Variants in MYH7B observed in about 807,000 individuals in gnomAD.
The protein encoded by MYH7B is myosin-7B.
A neutral mutation model predicts 234.5 loss-of-function variants in MYH7B; 205 were observed. The ratio of observed to expected loss-of-function variants is 0.87; its 90% CI spans 0.78 to 0.98. MYH7B has a LOEUF of 0.98. MYH7B is among the 50% of genes least tolerant of loss of function. The pLI is 0.00. For synonymous variants in MYH7B, 1,193 were observed against 1,105.0 expected, an observed-to-expected ratio of 1.08 and a Z score of -1.58; for missense variants, 2,652 against 2,633.4, an observed-to-expected ratio of 1.01 and a Z score of -0.15.
chr20:34,978,170 G>T, intron 5 of MYH7B, 74 bp downstream of exon 5: 2 of 1,569,294 alleles, frequency 1.3e-6, no homozygotes, highest in South Asian at 1.1e-5. Context: ...AATTGGGAGG[G>T]GTGGCACCAG....
At chr20:34,960,275 G>A (rs2081681599) in intron 2 of MYH7B, among the ~76,000 whole-genome samples, 1 of 151,988 alleles carries the variant, frequency 6.6e-6, no homozygotes, top group Admixed American at 6.6e-5. Flanking sequence ...TTGCTTTGTA[G>A]CCCAGGCTAG....
intron 43 of MYH7B, 51 bp downstream of exon 43, chr20:35,001,577 C>A: frequency 6.6e-7 from 1 of 1,514,782 alleles, no homozygotes; most frequent in Non-Finnish European, 9.0e-7. Flanking sequence ...AGCTCTGCCC[C>A]AGGGTCTGTG....
chr20:34,991,113 C>T (rs376888157), exon 24 of MYH7B: 1 of 1,607,254 alleles, frequency 6.2e-7, no homozygotes, highest in Admixed American at 1.7e-5. Context: ...ACACCGACTT[C>T]CGGCAGCGGT....
intron 19 of MYH7B, among the ~76,000 whole-genome samples, chr20:34,989,101 C>T (rs1020387770): frequency 1.3e-5 from 2 of 152,192 alleles, no homozygotes; most frequent in Admixed American, 6.5e-5. Context: ...TGGGCCACTG[C>T]GCCTGGCCTA....
At chr20:34,997,387 C>A in exon 32 of MYH7B, 1 of 1,510,266 alleles carries the variant, frequency 6.6e-7, no homozygotes, top group Non-Finnish European at 8.8e-7. Flanking sequence ...GGCGCATCCG[C>A]GGGGCAGCGC....
rs199517588 is a variant in MYH7B, at chr20:34,990,074, G to T, written c.1828G>T (p.Val610Phe). Residue 610 changes from valine to phenylalanine, a missense_variant, in exon 21 of 45, where the codon GTC (valine) becomes TTC (phenylalanine). Val to Phe is a conservative substitution (Grantham distance 50). This residue lies in a region of MYH7B where 2,279 missense variants were observed against 2,211.4 expected (regional missense o/e 1.03). Coordinates refer to ENST00000262873, the Ensembl canonical transcript of MYH7B. ...CAAGGATCCCCTGAATGAGACCGTG[G>T]TCCCCATCTTCCAGAAGTCACAGAA... 17 of 1,614,042 alleles carry T rather than the reference G, an allele frequency of 1.1e-5. No homozygotes were observed. Among genetic ancestry groups the T allele is most frequent in the Non-Finnish European group, 1.4e-5 (17 of 1,180,038 alleles).
Position 34,979,810 on chromosome 20 carries a change from C to T in MYH7B, c.342+6C>T, listed in dbSNP as rs2081914643. The T allele has an allele frequency of 1.9e-6, 3 of 1,612,316 alleles. No homozygotes were observed. Among genetic ancestry groups the T allele is most frequent in the African/African-American group, 2.7e-5 (2 of 75,028 alleles). On this transcript the variant is annotated splice_donor_region_variant and intron_variant, in intron 7 of 44. Coordinates refer to ENST00000262873, the Ensembl canonical transcript of MYH7B. ...ATGCCCGCTGGATGATCTATGTGAG[C>T]CCCAGGCCCGGGCCATGGGCGGGGT...
chr20:34,981,542 G>A (rs940516407), intron 9 of MYH7B: 15 of 169,092 alleles, frequency 8.9e-5, no homozygotes, highest in African/African-American at 3.1e-4. Context: ...GTGTGCATGC[G>A]CGTATGCAGT....
chr20:34,986,879 TC>T lies in MYH7B; in HGVS notation c.905-3del, dbSNP rs1569042678. ...CTGACCCTCCCTTCTCTGCCCTGTGTCCCCAGACATGCTGCTTCTGTCTATG... is the reference window on the plus strand; with the variant it reads ...CTGACCCTCCCTTCTCTGCCCTGTGTCCCAGACATGCTGCTTCTGTCTATG... On this transcript the variant is annotated splice_polypyrimidine_tract_variant and splice_region_variant and intron_variant, in intron 14 of 44. Coordinates refer to ENST00000262873, the Ensembl canonical transcript of MYH7B. 3.7e-6 allele frequency: 6 copies of T among 1,612,014 alleles called. No homozygotes were observed. The East Asian group carries it at 1.1e-4, about 30-fold the overall frequency.
In MYH7B at chr20:34,990,285, TC is replaced by T. The variant is rs766120600; in HGVS notation, c.1954del (p.Gln652ArgfsTer14). On this transcript the variant is annotated frameshift_variant, in exon 22 of 45. Coordinates refer to ENST00000262873, the Ensembl canonical transcript of MYH7B. LOFTEE classifies it high-confidence loss of function. Reference sequence around the variant, plus strand: ...GAGAAGCGTAAGAAGGCAGCATCGTTCCAGACGGTGTCCCAGCTGCACAAGG... The same window carrying T: ...GAGAAGCGTAAGAAGGCAGCATCGTTCAGACGGTGTCCCAGCTGCACAAGG... 15 of 1,614,120 alleles carry T rather than the reference TC, an allele frequency of 9.3e-6. No individual in the cohort carries two copies. The highest frequency in any genetic ancestry group is 1.2e-5 in the Non-Finnish European group (14 of 1,180,026).
At chr20:34,979,959 G>A (rs1397527566) in intron 7 of MYH7B, 155 bp downstream of exon 7, 2 of 842,774 alleles carry the variant, frequency 2.4e-6, no homozygotes, top group Non-Finnish European at 3.6e-6. Context: ...CGGGGGTGGG[G>A]CTGTGAGCGA....
At chr20:34,999,018 C>T in intron 35 of MYH7B, 38 bp from the exon 36 acceptor site, 2 of 1,586,374 alleles carry the variant, frequency 1.3e-6, no homozygotes, top group Non-Finnish European at 8.6e-7. Flanking sequence ...GTTCTCCCTC[C>T]TTCCATGGTC....
At chr20:34,997,776 C>A in intron 32 of MYH7B, 136 bp downstream of exon 32, 1 of 1,096,184 alleles carries the variant, frequency 9.1e-7, no homozygotes, top group Non-Finnish European at 1.3e-6. Context: ...GTACACAACC[C>A]TCATTTCTCA....
rs2082365120 is a variant in MYH7B, at chr20:35,000,985, C to A, written c.5305-3C>A. 3.7e-6 allele frequency: 6 copies of A among 1,613,678 alleles called. No individual in the cohort carries two copies. The highest frequency in any genetic ancestry group is 1.3e-5 in the African/African-American group (1 of 74,944). ...CACCTGACCAGCTCCTCCTCCCCAA[C>A]AGGCGGCCATGATGGCCGAGGAGCT... On this transcript the variant is annotated splice_region_variant and splice_polypyrimidine_tract_variant and intron_variant, in intron 40 of 44. Coordinates refer to ENST00000262873, the Ensembl canonical transcript of MYH7B.
chr20:34,990,933 C>A lies in MYH7B; in HGVS notation c.2066-71C>A, dbSNP rs1042823410. The stretch of plus-strand genomic sequence containing the variant: ...CTTCCCCCTCACCTCGCAGGGTCTC[C>A]ACTGCTGCTTTTTCTCTGGGGCCTG... On this transcript the variant is annotated intron_variant, in intron 23 of 44. Transcript: ENST00000262873. The A allele has an allele frequency of 2.6e-6, 4 of 1,561,858 alleles. No individual in the cohort carries two copies. The Admixed American group carries it at 6.7e-5, about 26-fold the overall frequency.
chr20:34,979,365 G>A, intron 5 of MYH7B, 25 bp from the exon 6 acceptor site: 2 of 1,587,694 alleles, frequency 1.3e-6, no homozygotes, highest in Non-Finnish European at 1.7e-6. Context: ...CCCTCTCTGA[G>A]TCCAGAGCTC....
chr20:34,992,560 T>TG (rs1296169918), intron 24 of MYH7B, among the ~76,000 whole-genome samples: 4 of 121,804 alleles, frequency 3.3e-5, no homozygotes, highest in Non-Finnish European at 7.2e-5. Context: ...CCCAAGGTTG[T>TG]GTTTTTTTTT....
intron 10 of MYH7B, 62 bp from the exon 11 acceptor site, chr20:34,984,630 C>T (rs1169816238): frequency 6.2e-6 from 9 of 1,459,474 alleles, no homozygotes; most frequent in Middle Eastern, 2.3e-4. Flanking sequence ...GATACCCTGC[C>T]CCACCCCGCC....
chr20:34,996,662 G>A lies in MYH7B; in HGVS notation c.3170G>A (p.Arg1057Gln), dbSNP rs144748129. 2.2e-4 allele frequency: 354 copies of A among 1,613,488 alleles called. No individual in the cohort carries two copies. The East Asian group carries it at 6.1e-3, about 28-fold the overall frequency. The change falls in exon 30 of 45, where the codon CGG becomes CAG. Residue 1057 changes from arginine (R) to glutamine (Q), a missense_variant. Arg to Gln is a conservative substitution (Grantham distance 43). Around this residue, in one of 3 missense-constraint regions of MYH7B, gnomAD observed 2,279 missense variants for 2,211.4 expected, o/e 1.03. Coordinates refer to ENST00000262873, the Ensembl canonical transcript of MYH7B. ...AAGAAGCTGCGCATGGACACGGAGC[G>A]GGCCAAGCGCAAGCTGGAGGGTGAC... is the stretch of plus-strand genomic sequence containing the variant.
Sources: gnomAD v4.1 joint callset for allele counts (sites outside exome capture counted in the v4.1 genomes callset) on GRCh38, gnomAD v4.1.1 for gene constraint, gnomAD v4.1.1 regional missense constraint, MANE v1.5 for transcripts, NCBI Gene and HGNC (gene_info 2026-07-23, HGNC 2026-07-21) for gene names.